FGD6: variants seen among roughly 807,000 people sequenced by gnomAD.
FGD6 encodes FYVE, RhoGEF and PH domain-containing protein 6.
Under a neutral mutation model 149.4 loss-of-function variants are expected in FGD6, and 90 were observed. The ratio of observed to expected loss-of-function variants is 0.60; its 90% CI spans 0.51 to 0.72. FGD6 has a LOEUF of 0.72. FGD6 is among the 30% of genes least tolerant of loss of function. FGD6 has a pLI of 0.00. For missense variants in FGD6, 1,437 were observed against 1,684.8 expected (o/e 0.85, Z 2.57); for synonymous variants, 527 against 584.0 (o/e 0.90, Z 1.41).
chr12:95,167,471 G>A (rs1321827296), intron 3 of FGD6, among the ~76,000 whole-genome samples: 1 of 151,966 alleles, frequency 6.6e-6, no homozygotes. Context: ...TTTCTTTAAC[G>A]GCTTATGATG....
chr12:95,154,491 TCAGAA>T (rs1257803148), intron 3 of FGD6, among the ~76,000 whole-genome samples: 1 of 152,054 alleles, frequency 6.6e-6, no homozygotes, highest in Non-Finnish European at 1.5e-5. Flanking sequence ...CAGTTCAAGA[TCAGAA>T]CACTACAGTT....
At chr12:95,087,792 ATT>A (rs1592824419) in intron 18 of FGD6, among the ~76,000 whole-genome samples, 1 of 152,152 alleles carries the variant, frequency 6.6e-6, no homozygotes, top group Admixed American at 6.6e-5. Flanking sequence ...ATAATTATAT[ATT>A]GTTTAGTGGG....
chr12:95,082,984 TAAAAAAAAAAAAAAA>T (rs1173446654), intron 20 of FGD6, among the ~76,000 whole-genome samples: 18 of 31,128 alleles, frequency 5.8e-4, no homozygotes, highest in African/African-American at 2.5e-3. Flanking sequence ...CTGTCTCCAT[TAAAAAAAAAAAAAAA>T]AAAAAAAAAA....
At chr12:95,097,501 C>T (rs554515411) in intron 14 of FGD6, among the ~76,000 whole-genome samples, 9 of 151,926 alleles carry the variant, frequency 5.9e-5, no homozygotes, top group East Asian at 1.9e-4. Context: ...CCAGGCATGG[C>T]GGTGCGCACC....
intron 18 of FGD6, 73 bp from the exon 19 acceptor site, chr12:95,085,981 TA>T: frequency 7.0e-7 from 1 of 1,419,280 alleles, no homozygotes; most frequent in East Asian, 2.3e-5. Context: ...TTGCAACCAA[TA>T]GGTGCTGAAA....
intron 2 of FGD6, among the ~76,000 whole-genome samples, chr12:95,177,780 T>G (rs1163088985): frequency 2.0e-5 from 3 of 152,134 alleles, no homozygotes; most frequent in South Asian, 2.1e-4. Context: ...TGGTATACAA[T>G]TTTCACCAAA....
chr12:95,206,310 G>C (rs950346590), intron 2 of FGD6, among the ~76,000 whole-genome samples: 1 of 149,534 alleles, frequency 6.7e-6, no homozygotes, highest in Non-Finnish European at 1.5e-5. Context: ...ATATGCAAAA[G>C]CATGTTTAAA....
At position 95,137,659 on chromosome 12, in the gene FGD6, C is replaced by T; in HGVS notation, c.2857G>A (p.Ala953Thr). The T allele has an allele frequency of 6.2e-7, 1 of 1,601,430 alleles. No homozygotes were observed. The highest frequency in any genetic ancestry group is 8.5e-7 in the Non-Finnish European group (1 of 1,175,444). ...GGTCCCTTCTTTACAAAGATATCAG[C>T]AATTCTTTGTTGTTCAGTCCTATGG... ...MLHWTEQQRI[A>T]DIFVKKGPYL... Residue 953 changes from alanine to threonine, a missense_variant, in exon 7 of 21, where the codon GCT becomes ACT. Around this residue, in one of 2 missense-constraint regions of FGD6, gnomAD observed 1,055 missense variants for 1,146.0 expected, o/e 0.92. Transcript: ENST00000343958.
At chr12:95,197,132 A>C (rs1249835424) in intron 2 of FGD6, among the ~76,000 whole-genome samples, 5 of 151,716 alleles carry the variant, frequency 3.3e-5, no homozygotes, top group African/African-American at 1.2e-4. Flanking sequence ...TCCAGGTCCT[A>C]CTCTCTCACA....
At chr12:95,159,324 G>T (rs565030803) in intron 3 of FGD6, among the ~76,000 whole-genome samples, 36 of 152,136 alleles carry the variant, frequency 2.4e-4, no homozygotes, top group African/African-American at 8.7e-4. Context: ...ACTTCTAGAA[G>T]AAAACATTTT....
At chr12:95,132,302 A>C (rs968497369) in intron 8 of FGD6, among the ~76,000 whole-genome samples, 2 of 152,216 alleles carry the variant, frequency 1.3e-5, no homozygotes, top group South Asian at 2.1e-4. Flanking sequence ...GGCATAAGCC[A>C]CTACACCTAG....
intron 2 of FGD6, among the ~76,000 whole-genome samples, chr12:95,183,321 G>C (rs1287253459): frequency 1.3e-5 from 2 of 152,190 alleles, no homozygotes; most frequent in Non-Finnish European, 2.9e-5. Flanking sequence ...TGGGAACCAG[G>C]AGTGACCCCC....
At chr12:95,196,181 C>T (rs1881731406) in intron 2 of FGD6, among the ~76,000 whole-genome samples, 1 of 152,124 alleles carries the variant, frequency 6.6e-6, no homozygotes, top group Non-Finnish European at 1.5e-5. Context: ...TTAAATATAC[C>T]TTTAACAGCC....
At chr12:95,146,415 C>A (rs1246776088) in intron 5 of FGD6, among the ~76,000 whole-genome samples, 1 of 152,330 alleles carries the variant, frequency 6.6e-6, no homozygotes, top group Non-Finnish European at 1.5e-5. Context: ...AATTCACTAA[C>A]ACCTCCTTGA....
At chr12:95,153,636 G>A (rs1880372691) in intron 3 of FGD6, among the ~76,000 whole-genome samples, 1 of 152,066 alleles carries the variant, frequency 6.6e-6, no homozygotes, top group Non-Finnish European at 1.5e-5. Flanking sequence ...ACTATAGCCT[G>A]GGCAACAAGG....
chr12:95,097,865 A>G (rs1032836740), intron 14 of FGD6, among the ~76,000 whole-genome samples: 3 of 152,184 alleles, frequency 2.0e-5, no homozygotes, highest in Non-Finnish European at 4.4e-5. Flanking sequence ...ATGTATTAAC[A>G]TATGATATGA....
chr12:95,101,718 C>G (rs868240390), intron 14 of FGD6, among the ~76,000 whole-genome samples: 97 of 125,430 alleles, frequency 7.7e-4, no homozygotes, highest in African/African-American at 2.9e-3. Context: ...GAGCCTCACT[C>G]TGTTGCCAGG....
chr12:95,131,922 C>T (rs1403589955), intron 8 of FGD6, among the ~76,000 whole-genome samples: 2 of 152,120 alleles, frequency 1.3e-5, no homozygotes, highest in African/African-American at 4.8e-5. Flanking sequence ...TGCCTGTAAT[C>T]CCAGCTACTT....
intron 18 of FGD6, among the ~76,000 whole-genome samples, chr12:95,086,753 A>G (rs541525072): frequency 2.1e-3 from 300 of 143,752 alleles, no homozygotes; most frequent in African/African-American, 7.2e-3. Flanking sequence ...TCATCATGTT[A>G]GCCAGGATGG....
Sources: allele counts gnomAD v4.1 joint callset (sites outside exome capture counted in the v4.1 genomes callset), GRCh38; gene constraint gnomAD v4.1.1; regional missense constraint gnomAD v4.1.1; transcripts MANE v1.5; gene names NCBI Gene and HGNC (gene_info 2026-07-23, HGNC 2026-07-21).